KCNAB1: variants seen among roughly 807,000 people sequenced by gnomAD.
The protein encoded by KCNAB1 is potassium voltage-gated channel subfamily A regulatory beta subunit 1, also known as voltage-gated potassium channel subunit beta-1.
KCNAB1 carries 35 observed loss-of-function variants against 64.6 expected under a neutral mutation model. The ratio of observed to expected loss-of-function variants is 0.54; its 90% CI spans 0.41 to 0.72. KCNAB1 has a LOEUF of 0.72. Among genes scored for constraint, KCNAB1 ranks in the 30% least tolerant of loss-of-function variants. The pLI is 0.00. For synonymous variants in KCNAB1, 177 were observed against 183.8 expected (o/e 0.96, Z 0.30); for missense variants, 401 against 512.9 (o/e 0.78, Z 2.11).
At chr3:156,248,981 A>C (rs1717638085) in intron 1 of KCNAB1, among the ~76,000 whole-genome samples, 1 of 151,352 alleles carries the variant, frequency 6.6e-6, no homozygotes, top group Non-Finnish European at 1.5e-5. Flanking sequence ...ATTACTGGGC[A>C]CTAAGACCTC....
chr3:156,245,905 A>C (rs777879821), intron 1 of KCNAB1, among the ~76,000 whole-genome samples: 7 of 152,158 alleles, frequency 4.6e-5, no homozygotes, highest in Non-Finnish European at 7.4e-5. Flanking sequence ...CATGGTGTTG[A>C]GTTGTTTCTG....
rs1444028349 is a variant in KCNAB1 at position 156,206,317 on chromosome 3, G to T, written c.275+85431G>T. Reference sequence around the variant, plus strand: ...CCTGGCTCCAGTGACTGGCTCAAGGGTGATCTGAGCCAGTCCAATTAGCAT... The same window carrying T: ...CCTGGCTCCAGTGACTGGCTCAAGGTTGATCTGAGCCAGTCCAATTAGCAT... On this transcript the variant is annotated intron_variant, in intron 1 of 13. Transcript: ENST00000490337. Among the ~76,000 whole-genome samples, 6 of 152,246 alleles carry T rather than the reference G, an allele frequency of 3.9e-5. No homozygotes were observed. The East Asian group carries it at 1.2e-3, about 29-fold the overall frequency.
At chr3:156,177,594 G>A (rs564465487) in intron 1 of KCNAB1, among the ~76,000 whole-genome samples, 1 of 152,010 alleles carries the variant, frequency 6.6e-6, no homozygotes, top group African/African-American at 2.4e-5. Flanking sequence ...AGCCAGGATG[G>A]TCTCGATCTC....
At chr3:156,401,325 G>A (rs1265774839) in intron 1 of KCNAB1, among the ~76,000 whole-genome samples, 2 of 152,260 alleles carry the variant, frequency 1.3e-5, no homozygotes, top group Non-Finnish European at 2.9e-5. Context: ...CCAGCTGCAA[G>A]CTGGGTTTCA....
chr3:156,400,058 C>G (rs189076073), intron 1 of KCNAB1, among the ~76,000 whole-genome samples: 13 of 152,254 alleles, frequency 8.5e-5, no homozygotes, highest in Admixed American at 3.9e-4. Flanking sequence ...TGAGATGAAT[C>G]CACAATTAGT....
intron 1 of KCNAB1, among the ~76,000 whole-genome samples, chr3:156,288,543 T>G (rs763152286): frequency 6.6e-6 from 1 of 152,316 alleles, no homozygotes; most frequent in South Asian, 2.1e-4. Flanking sequence ...CAGCCAAGTG[T>G]TATCTAATTT....
intron 1 of KCNAB1, among the ~76,000 whole-genome samples, chr3:156,262,862 A>AT (rs1328611490): frequency 2.6e-5 from 4 of 151,532 alleles, no homozygotes; most frequent in African/African-American, 9.7e-5. Flanking sequence ...ATCTATTTAG[A>AT]TTTTCTCTTC....
intron 1 of KCNAB1, among the ~76,000 whole-genome samples, chr3:156,416,449 T>G (rs1715084242): frequency 6.6e-6 from 1 of 152,222 alleles, no homozygotes; most frequent in African/African-American, 2.4e-5. Flanking sequence ...TGCTGATCCC[T>G]GCTCTCTTTA....
intron 1 of KCNAB1, among the ~76,000 whole-genome samples, chr3:156,147,961 G>GCA (rs5853742): frequency 0.12 from 18,686 of 150,396 alleles, 1,557 homozygotes; most frequent in African/African-American, 0.22. Context: ...ACACACACAC[G>GCA]CACGCACACG....
At chr3:156,178,438 T>C (rs1712542640) in intron 1 of KCNAB1, among the ~76,000 whole-genome samples, 1 of 152,190 alleles carries the variant, frequency 6.6e-6, no homozygotes, top group Admixed American at 6.5e-5. Context: ...AGAGAAGATG[T>C]AGCACGACAG....
At chr3:156,531,691 T>G (rs2108426209) in intron 13 of KCNAB1, among the ~76,000 whole-genome samples, 194 bp downstream of exon 13, 1 of 152,324 alleles carries the variant, frequency 6.6e-6, no homozygotes, top group South Asian at 2.1e-4. Context: ...TTCCCAAAGC[T>G]CATTTCTTGG....
intron 1 of KCNAB1, chr3:156,143,136 T>G: frequency 6.5e-7 from 1 of 1,542,234 alleles, no homozygotes; most frequent in Non-Finnish European, 8.7e-7. Context: ...GTCTTAAAGT[T>G]AAGCACCGTG....
rs78610838 is a variant in KCNAB1, at chr3:156,310,252, A to G, written c.276-111364A>G. The stretch of plus-strand genomic sequence containing the variant: ...ATAAAACTTGCCATGACTGTACAAC[A>G]TCTTTAAAATCCAAGATGGTGATGG... On this transcript the variant is annotated intron_variant, in intron 1 of 13. Coordinates refer to ENST00000490337, the MANE Select transcript of KCNAB1 (RefSeq NM_172160.3). Among the ~76,000 whole-genome samples, 1,142 of 152,294 alleles carry G rather than the reference A, an allele frequency of 7.5e-3. 10 individuals are homozygous for G. The highest frequency in any genetic ancestry group is 0.027 in the African/African-American group (1,102 of 41,564).
At chr3:156,276,307 T>C (rs1423947367) in intron 1 of KCNAB1, among the ~76,000 whole-genome samples, 2 of 152,204 alleles carry the variant, frequency 1.3e-5, no homozygotes, top group African/African-American at 2.4e-5. Context: ...CCAGGCTTTG[T>C]TGTTCCATTT....
At chr3:156,515,256 A>T (rs761303613) in intron 10 of KCNAB1, 36 bp downstream of exon 10, 3 of 1,573,996 alleles carry the variant, frequency 1.9e-6, no homozygotes, top group Non-Finnish European at 2.6e-6. Flanking sequence ...AGTATTTTTA[A>T]CAAGAGAAAG....
At chr3:156,531,652 G>T (rs1203957377) in intron 13 of KCNAB1, among the ~76,000 whole-genome samples, 155 bp downstream of exon 13, 1 of 152,174 alleles carries the variant, frequency 6.6e-6, no homozygotes, top group Non-Finnish European at 1.5e-5. Context: ...ATGGATCCAG[G>T]GTTGTCCTCT....
chr3:156,261,751 C>G (rs1010218399), intron 1 of KCNAB1, among the ~76,000 whole-genome samples: 6 of 151,840 alleles, frequency 4.0e-5, no homozygotes, highest in African/African-American at 7.2e-5. Context: ...TTCAAATCAG[C>G]TTGTTAATTT....
intron 1 of KCNAB1, chr3:156,176,979 G>A: frequency 7.6e-6 from 5 of 654,700 alleles, no homozygotes; most frequent in Admixed American, 5.1e-5. Flanking sequence ...CACTTCCTCC[G>A]TGGAGCTCTC....
At chr3:156,253,219 G>A (rs1007798202) in intron 1 of KCNAB1, among the ~76,000 whole-genome samples, 1 of 152,212 alleles carries the variant, frequency 6.6e-6, no homozygotes, top group African/African-American at 2.4e-5. Context: ...AATAGTTTAA[G>A]AGTAGCAGTT....
Sources: gnomAD v4.1 joint callset for allele counts (sites outside exome capture counted in the v4.1 genomes callset) on GRCh38, gnomAD v4.1.1 for gene constraint, MANE v1.5 for transcripts, NCBI Gene and HGNC (gene_info 2026-07-23, HGNC 2026-07-21) for gene names.